The following COG2 variants were observed in gnomAD, a reference collection of about 807,000 sequenced individuals.
The protein encoded by COG2 is conserved oligomeric Golgi complex subunit 2.
COG2 carries 52 observed loss-of-function variants against 90.6 expected under a neutral mutation model. That is an observed-to-expected ratio of 0.57 (90% confidence interval 0.46 to 0.72). The LOEUF (loss-of-function observed/expected upper bound fraction) is 0.72, where lower values mean the gene tolerates loss of function less well. Among genes scored for constraint, COG2 ranks in the 30% least tolerant of loss-of-function variants. COG2 has a pLI of 0.00. For missense variants in COG2, 829 were observed against 891.2 expected (o/e 0.93, Z 0.89); for synonymous variants, 337 against 320.4 (o/e 1.05, Z -0.55).
intron 5 of COG2, among the ~76,000 whole-genome samples, chr1:230,667,473 G>A (rs775242841): frequency 2.6e-5 from 4 of 152,066 alleles, no homozygotes; most frequent in Admixed American, 6.6e-5. Context: ...TCCTTGCTCC[G>A]AATCGTCTTT....
intron 1 of COG2, among the ~76,000 whole-genome samples, chr1:230,656,987 TAAATAC>T (rs1171810719): frequency 6.6e-6 from 1 of 152,208 alleles, no homozygotes; most frequent in Admixed American, 6.5e-5. Context: ...ATGGGTCTCC[TAAATAC>T]AGCACACTGA....
At chr1:230,669,023 AC>A (rs1329816696) in intron 6 of COG2, 1 of 466,484 alleles carries the variant, frequency 2.1e-6, no homozygotes, top group African/African-American at 2.0e-5. Context: ...ATGGAATTGG[AC>A]ATCTTATATG....
chr1:230,691,720 T>C, intron 17 of COG2, 156 bp downstream of exon 17: 2 of 665,368 alleles, frequency 3.0e-6, no homozygotes, highest in South Asian at 2.0e-5. Context: ...CCCAAATTAC[T>C]TTGCCCCTAG....
In COG2 at chr1:230,642,967, A is replaced by G. The variant is rs1305810030; in HGVS notation, c.72+289A>G. 3 of 419,902 alleles carry G rather than the reference A, an allele frequency of 7.1e-6. No homozygotes were observed. In the Admixed American group the frequency reaches 1.3e-4, roughly 19 times the overall value. 26.0% of individuals were successfully genotyped at this position (419,902 alleles called of 1,614,324 possible). ...GCCACTGTTACCCGTTCCTGTTACCATGCAGTGCAGTCAGATTGCCAGTCC... is the reference window on the plus strand; with the variant it reads ...GCCACTGTTACCCGTTCCTGTTACCGTGCAGTGCAGTCAGATTGCCAGTCC... On this transcript the variant is annotated intron_variant, in intron 1 of 17. Transcript: ENST00000366669.
At position 230,659,565 on chromosome 1, in the gene COG2, A is replaced by G. The variant is rs774929077; in HGVS notation, c.174A>G (p.Thr58=). ...AGCTCTACTATAAACTTCTTAAAAC[A>G]GCCATGGTCGAACTCATCAACAAGG... is the stretch of plus-strand genomic sequence containing the variant. The part of the protein sequence containing the change: ...DLELYYKLLK[T]AMVELINKDY... Residue 58 remains threonine, a synonymous_variant, in exon 2 of 18, where the codon ACA becomes ACG. Coordinates refer to ENST00000366669, the MANE Select transcript of COG2 (RefSeq NM_007357.3). The G allele has an allele frequency of 1.9e-6, 3 of 1,614,152 alleles. No individual in the cohort carries two copies. The Admixed American group carries it at 5.0e-5, about 27-fold the overall frequency.
At chr1:230,648,607 G>A (rs931371212) in intron 1 of COG2, among the ~76,000 whole-genome samples, 1 of 152,178 alleles carries the variant, frequency 6.6e-6, no homozygotes, top group African/African-American at 2.4e-5. Flanking sequence ...AATTTTCCAA[G>A]TCACTTCTTG....
chr1:230,693,268 A>T, intron 17 of COG2, 24 bp from the exon 18 acceptor site: 255 of 1,050,660 alleles, frequency 2.4e-4, no homozygotes, highest in Non-Finnish European at 3.5e-4. Context: ...GCAGTAACAT[A>T]ATTCATTCTC....
At chr1:230,675,480 TAA>T (rs2102763012) in intron 9 of COG2, among the ~76,000 whole-genome samples, 1 of 152,316 alleles carries the variant, frequency 6.6e-6, no homozygotes, top group African/African-American at 2.4e-5. Context: ...CTCTGCCATA[TAA>T]TTTTGAATGA....
At chr1:230,692,590 G>T (rs542079659) in intron 17 of COG2, among the ~76,000 whole-genome samples, 1 of 151,612 alleles carries the variant, frequency 6.6e-6, no homozygotes, top group African/African-American at 2.4e-5. Context: ...CAAAAGAAAG[G>T]GAAGGAAGGA....
chr1:230,687,974 C>T lies in COG2; in HGVS notation c.1579-97C>T, dbSNP rs1662921712. 5.3e-6 allele frequency: 4 copies of T among 755,192 alleles called. No individual in the cohort carries two copies. In the Admixed American group the frequency reaches 1.0e-4, roughly 19 times the overall value. 46.8% of individuals were successfully genotyped at this position (755,192 alleles called of 1,614,324 possible). ...AATTCCTGATTTTAAGTTCACCATT[C>T]ATTAGCAAATTCTAGAGTTTGTAGA... is the stretch of plus-strand genomic sequence containing the variant. On this transcript the variant is annotated intron_variant, in intron 13 of 17. Transcript: ENST00000366669.
chr1:230,673,437 T>G (rs528049073), intron 8 of COG2, among the ~76,000 whole-genome samples: 1 of 152,362 alleles, frequency 6.6e-6, no homozygotes, highest in East Asian at 1.9e-4. Context: ...GCTTTATAAC[T>G]GGCAACACCA....
chr1:230,659,378 C>T (rs887068803), intron 1 of COG2, 86 bp from the exon 2 acceptor site: 1 of 1,089,984 alleles, frequency 9.2e-7, no homozygotes, highest in Non-Finnish European at 1.4e-6. Flanking sequence ...CGGGAATGGG[C>T]TTTCTTACTC....
At chr1:230,654,450 G>T (rs1002107802) in intron 1 of COG2, among the ~76,000 whole-genome samples, 1 of 152,100 alleles carries the variant, frequency 6.6e-6, no homozygotes, top group Non-Finnish European at 1.5e-5. Flanking sequence ...TGAGTCCTCT[G>T]TTCTGTTCCA....
intron 1 of COG2, among the ~76,000 whole-genome samples, chr1:230,657,899 G>A (rs1217726350): frequency 6.6e-6 from 1 of 151,988 alleles, no homozygotes; most frequent in East Asian, 1.9e-4. Context: ...TTCTCATGCT[G>A]TGTTTTTCAG....
intron 11 of COG2, 140 bp from the exon 12 acceptor site, chr1:230,684,945 A>G (rs1662849032): frequency 2.9e-5 from 28 of 965,554 alleles, no homozygotes; most frequent in Non-Finnish European, 4.1e-5. Flanking sequence ...TGTGCCTCCA[A>G]CAGCTTTGCT....
At chr1:230,691,290 A>T (rs185247805) in intron 16 of COG2, 94 bp from the exon 17 acceptor site, 8 of 1,149,574 alleles carry the variant, frequency 7.0e-6, no homozygotes, top group Admixed American at 3.2e-5. Context: ...TTTTTATCTT[A>T]AAAATCTCTT....
At chr1:230,692,788 T>G (rs1278558808) in intron 17 of COG2, among the ~76,000 whole-genome samples, 1 of 85,856 alleles carries the variant, frequency 1.2e-5, no homozygotes, top group Non-Finnish European at 3.4e-5. Context: ...GTGTGTGTGT[T>G]GTTATTGTCG....
intron 1 of COG2, among the ~76,000 whole-genome samples, chr1:230,649,686 TG>T (rs1661867523): frequency 6.6e-6 from 1 of 152,198 alleles, no homozygotes; most frequent in Non-Finnish European, 1.5e-5. Context: ...ATTTATTTAT[TG>T]GGTATCTCAT....
At position 230,659,574 on chromosome 1, in the gene COG2, C is replaced by T. The variant is rs79749108; in HGVS notation, c.183C>T (p.Val61=). ...ATAAACTTCTTAAAACAGCCATGGT[C>T]GAACTCATCAACAAGGATTATGCAG... The part of the protein sequence containing the change: ...LYYKLLKTAM[V]ELINKDYADF... The change falls in exon 2 of 18, where the codon GTC becomes GTT. Residue 61 remains valine, a synonymous_variant. Transcript: ENST00000366669. The T allele has an allele frequency of 7.3e-4, 1,180 of 1,613,948 alleles. 11 individuals carry two copies. The African/African-American group carries it at 0.014, about 19-fold the overall frequency.
Sources: allele counts gnomAD v4.1 joint callset (sites outside exome capture counted in the v4.1 genomes callset), GRCh38; gene constraint gnomAD v4.1.1; transcripts MANE v1.5; gene names NCBI Gene and HGNC (gene_info 2026-07-23, HGNC 2026-07-21).